ATP11C: variants seen among roughly 807,000 people sequenced by gnomAD.
ATP11C encodes ATPase phospholipid transporting 11C (ATP11C blood group).
ATP11C carries 36 observed loss-of-function variants against 97.4 expected under a neutral mutation model. The observed-to-expected ratio is 0.37, with a 90% CI of 0.28 to 0.49. The LOEUF (loss-of-function observed/expected upper bound fraction) is 0.49, where lower values mean the gene tolerates loss of function less well. Ranked by LOEUF, ATP11C falls within the 20% of genes least tolerant of loss-of-function variation. ATP11C has a pLI of 0.98. For synonymous variants in ATP11C, 275 were observed against 290.9 expected, an observed-to-expected ratio of 0.95 and a Z score of 0.56; for missense variants, 730 against 824.6, an observed-to-expected ratio of 0.89 and a Z score of 1.40.
rs140720264 is a variant in ATP11C at position 139,748,425 on chromosome X, G to A, written c.2828+1600C>T. Reference sequence around the variant, plus strand: ...TTTCAACCAGAGCAACTGCACTATCGGGCTTCACTTTAGAAGTTGTCTGGA... The same window carrying A: ...TTTCAACCAGAGCAACTGCACTATCAGGCTTCACTTTAGAAGTTGTCTGGA... On this transcript the variant is annotated intron_variant, in intron 24 of 29. Coordinates refer to ENST00000682941, the MANE Select transcript of ATP11C (RefSeq NM_001353812.2). 9.6e-3 allele frequency among the ~76,000 whole-genome samples: 1,068 copies of A among 110,940 alleles called. 11 individuals are homozygous for A. The highest frequency in any genetic ancestry group is 0.05 in the Admixed American group (527 of 10,439).
At chrX:139,846,865 C>T (rs946584535) in intron 1 of ATP11C, among the ~76,000 whole-genome samples, 1 of 108,234 alleles carries the variant, frequency 9.2e-6, no homozygotes, top group Non-Finnish European at 1.9e-5. Context: ...TTGGTGGAAG[C>T]GACTGACCAG....
intron 1 of ATP11C, among the ~76,000 whole-genome samples, chrX:139,863,807 A>G (rs1000945627): frequency 8.9e-6 from 1 of 111,758 alleles, no homozygotes; most frequent in African/African-American, 3.3e-5. Flanking sequence ...CACACCTATA[A>G]TCCCAGCACT....
intron 1 of ATP11C, among the ~76,000 whole-genome samples, chrX:139,916,454 G>C (rs952390615): frequency 9.0e-6 from 1 of 111,252 alleles, no homozygotes; most frequent in Admixed American, 9.7e-5. Flanking sequence ...ATACTATATA[G>C]AGGAAATCTA....
At chrX:139,825,092 T>C (rs1484383965) in intron 2 of ATP11C, among the ~76,000 whole-genome samples, 1 of 111,153 alleles carries the variant, frequency 9.0e-6, no homozygotes, top group Non-Finnish European at 1.9e-5. Context: ...AGGAAATCAA[T>C]AGTACTACTC....
Position 139,927,332 on chromosome X carries a change from T to A in ATP11C, c.27+4684A>T, listed in dbSNP as rs193156336. ...CATCTAAGAAAGAGGCCAGGCATGC[T>A]GGCTCTTGCCTGTAATTCCAGCACT... is the stretch of plus-strand genomic sequence containing the variant. On this transcript the variant is annotated intron_variant, in intron 1 of 29. Coordinates refer to ENST00000682941, the MANE Select transcript of ATP11C (RefSeq NM_001353812.2). Among the ~76,000 whole-genome samples the A allele has an allele frequency of 3.1e-3, 343 of 112,218 alleles. 2 individuals carry two copies. Among genetic ancestry groups the A allele is most frequent in the African/African-American group, 0.011 (326 of 30,967 alleles).
At chrX:139,800,030 A>G in intron 8 of ATP11C, 30 bp downstream of exon 8, 2 of 436,574 alleles carry the variant, frequency 4.6e-6, no homozygotes, top group Non-Finnish European at 8.1e-6. Flanking sequence ...CCCCCAACCA[A>G]AGGACAAATT....
intron 23 of ATP11C, among the ~76,000 whole-genome samples, chrX:139,752,632 C>G (rs186605513): frequency 9.0e-6 from 1 of 111,646 alleles, no homozygotes; most frequent in African/African-American, 3.3e-5. Context: ...ATATTTCCAC[C>G]AGAACAAGCC....
intron 1 of ATP11C, among the ~76,000 whole-genome samples, chrX:139,859,068 CAA>C (rs1349536323): frequency 8.9e-6 from 1 of 112,001 alleles, no homozygotes; most frequent in Non-Finnish European, 1.9e-5. Context: ...CTGATTAAGA[CAA>C]ACTTTTTTTT....
intron 23 of ATP11C, among the ~76,000 whole-genome samples, chrX:139,752,143 CA>C (rs775732421): frequency 1.3e-4 from 14 of 111,472 alleles, no homozygotes; most frequent in Admixed American, 5.7e-4. Context: ...GGTCTCTGCC[CA>C]AATGTCACCT....
intron 12 of ATP11C, among the ~76,000 whole-genome samples, chrX:139,792,673 T>G (rs2082717150): frequency 9.0e-6 from 1 of 111,064 alleles, no homozygotes; most frequent in Non-Finnish European, 1.9e-5. Flanking sequence ...TCACATACCT[T>G]TTGTCAAAAG....
intron 13 of ATP11C, 47 bp from the exon 14 acceptor site, chrX:139,788,390 C>A (rs1569455918): frequency 9.3e-7 from 1 of 1,080,089 alleles, no homozygotes; most frequent in East Asian, 3.0e-5. Context: ...AATTTGATCA[C>A]CCGGTAACTA....
intron 3 of ATP11C, among the ~76,000 whole-genome samples, chrX:139,819,004 C>T (rs181968338): frequency 1.3e-3 from 147 of 111,692 alleles, no homozygotes; most frequent in African/African-American, 4.4e-3. Context: ...AATAAAACTA[C>T]TAGTTTGAAC....
Position 139,857,856 on chromosome X carries a change from TG to T in ATP11C, c.28-31034del, listed in dbSNP as rs1239803525. 2.7e-5 allele frequency among the ~76,000 whole-genome samples: 3 copies of T among 111,423 alleles called. No individual in the cohort carries two copies. The South Asian group carries it at 1.1e-3, about 42-fold the overall frequency. ...ATATACTTCATATGTGAGAAGGACA[TG>T]GGTTTCAGGGCCTCAGGAACAGAAA... is the stretch of plus-strand genomic sequence containing the variant. On this transcript the variant is annotated intron_variant, in intron 1 of 29. Transcript: ENST00000682941.
chrX:139,762,713 C>T (rs1039021693), intron 21 of ATP11C, among the ~76,000 whole-genome samples: 4 of 111,200 alleles, frequency 3.6e-5, no homozygotes, highest in Non-Finnish European at 7.5e-5. Context: ...CATATCTGGC[C>T]CCACCACCCT....
chrX:139,838,708 G>A (rs1052053429), intron 1 of ATP11C, among the ~76,000 whole-genome samples: 2 of 112,359 alleles, frequency 1.8e-5, no homozygotes, highest in Admixed American at 1.9e-4. Context: ...CGGTACTTTG[G>A]GAGGCCAAGG....
chrX:139,905,672 G>C (rs1180595864), intron 1 of ATP11C, among the ~76,000 whole-genome samples: 1 of 111,245 alleles, frequency 9.0e-6, no homozygotes. Context: ...CCTTAAAAAA[G>C]TGACACAGGA....
At chrX:139,789,246 C>A in intron 13 of ATP11C, 81 bp downstream of exon 13, 1 of 810,098 alleles carries the variant, frequency 1.2e-6, no homozygotes, top group Non-Finnish European at 1.7e-6. Flanking sequence ...CATGTGTCCA[C>A]CTAAAAATTA....
At chrX:139,796,063 T>C (rs2082787273) in intron 12 of ATP11C, among the ~76,000 whole-genome samples, 2 of 112,034 alleles carry the variant, frequency 1.8e-5, no homozygotes, top group African/African-American at 6.5e-5. Flanking sequence ...ATTTAATACA[T>C]AAATTGTATC....
chrX:139,906,913 G>T (rs2084989485), intron 1 of ATP11C, among the ~76,000 whole-genome samples: 1 of 111,411 alleles, frequency 9.0e-6, no homozygotes, highest in Non-Finnish European at 1.9e-5. Context: ...GGTCTGATAA[G>T]GTCCTAGACT....
Sources: allele counts gnomAD v4.1 joint callset (sites outside exome capture counted in the v4.1 genomes callset), GRCh38; gene constraint gnomAD v4.1.1; transcripts MANE v1.5; gene names NCBI Gene and HGNC (gene_info 2026-07-23, HGNC 2026-07-21).